PIGG: variants seen among roughly 807,000 people sequenced by gnomAD.
PIGG encodes phosphatidylinositol glycan anchor biosynthesis class G (EMM blood group), also known as GPI ethanolamine phosphate transferase 2, catalytic subunit.
Under a neutral mutation model 83.2 loss-of-function variants are expected in PIGG, and 70 were observed. That is an observed-to-expected ratio of 0.84 (90% CI 0.69 to 1.03). The LOEUF is 1.03. Among genes scored for constraint, PIGG ranks in the 50% least tolerant of loss-of-function variants. The probability of loss-of-function intolerance (pLI) is 0.00; values close to 1 mark genes in which losing one functional copy is unlikely to be tolerated. For missense variants in PIGG, 1,257 were observed against 1,233.6 expected, an observed-to-expected ratio of 1.02 and a Z score of -0.28; for synonymous variants, 532 against 519.5, an observed-to-expected ratio of 1.02 and a Z score of -0.33.
intron 5 of PIGG, among the ~76,000 whole-genome samples, chr4:513,996 A>G (rs1723055004): frequency 6.6e-6 from 1 of 152,212 alleles, no homozygotes. Context: ...TTTTGGAAAA[A>G]GGTAATGCAG....
chr4:525,174 C>T (rs755602280), intron 9 of PIGG: 175 of 984,740 alleles, frequency 1.8e-4, no homozygotes, highest in Non-Finnish European at 2.0e-4. Flanking sequence ...CCTGAAGGGA[C>T]AGAGCCGTGT....
In PIGG at chr4:521,733, C is replaced by A. The variant is rs772714746; in HGVS notation, c.1406C>A (p.Ser469Tyr). 1 of 1,614,152 alleles carries A rather than the reference C, an allele frequency of 6.2e-7. No individual in the cohort carries two copies. The highest frequency in any genetic ancestry group is 1.1e-5 in the South Asian group (1 of 91,080). Reference protein sequence around the residue: ...RKAELEVPLSSPGFSLLFYLV... With the variant: ...RKAELEVPLSYPGFSLLFYLV... The stretch of plus-strand genomic sequence containing the variant: ...GCTGAGCTGGAAGTCCCACTGTCAT[C>A]TCCTGGGTTTTCTCTGCTCTTTTAT... Residue 469 changes from serine (S) to tyrosine (Y), a missense_variant, in exon 8 of 13, where the codon TCT becomes TAT. Ser to Tyr is a moderately radical substitution (Grantham distance 144, BLOSUM62 -2). Transcript: ENST00000453061.
chr4:508,776 A>G (rs1473750025), intron 4 of PIGG, 53 bp from the exon 5 acceptor site: 5 of 1,550,358 alleles, frequency 3.2e-6, no homozygotes, highest in Non-Finnish European at 4.4e-6. Flanking sequence ...TCTTAAGATG[A>G]TGTGCTCTCT....
Position 500,434 on chromosome 4 carries a change from T to C in PIGG, c.193T>C (p.Phe65Leu). ...CTGGACCACGCTGCCACCACCTCTC[T>C]TCAGTAAAGTTGTTATTGTTCTGAT... ...SNWTTLPPPLFSKVVIVLIDA... is the reference protein window; with the variant it reads ...SNWTTLPPPLLSKVVIVLIDA... Residue 65 changes from phenylalanine to leucine, a missense_variant, in exon 2 of 13, where the codon TTC becomes CTC. Coordinates refer to ENST00000453061, the MANE Select transcript of PIGG (RefSeq NM_001127178.3). 6.2e-7 allele frequency: 1 copy of C among 1,614,090 alleles called. No homozygotes were observed. The highest frequency in any genetic ancestry group is 1.3e-5 in the African/African-American group (1 of 75,038).
At chr4:508,736 A>G (rs1553881343) in intron 4 of PIGG, 93 bp from the exon 5 acceptor site, 8 of 1,137,556 alleles carry the variant, frequency 7.0e-6, no homozygotes, top group Non-Finnish European at 3.9e-6. Context: ...CTACAACTCT[A>G]TAAAGTAAAG....
Position 528,750 on chromosome 4 carries a change from T to C in PIGG, c.2261+1520T>C. On this transcript the variant is annotated intron_variant, in intron 10 of 12. Coordinates refer to ENST00000453061, the MANE Select transcript of PIGG (RefSeq NM_001127178.3). The surrounding 1 kb of genome is among the most constrained non-coding windows in gnomAD (Gnocchi z 4.8). Reference sequence around the variant, plus strand: ...ATACACTGAATTTCAGCATCACTCATCTCAAGACCTTGGCCCTCTTCCCTT... The same window carrying C: ...ATACACTGAATTTCAGCATCACTCACCTCAAGACCTTGGCCCTCTTCCCTT... The C allele has an allele frequency of 1.0e-6, 1 of 984,458 alleles. No individual in the cohort carries two copies. The highest frequency in any genetic ancestry group is 1.2e-6 in the Non-Finnish European group (1 of 829,088). 61.0% of individuals were successfully genotyped at this position (984,458 alleles called of 1,614,324 possible). A position where few individuals can be genotyped will look rare whatever the true frequency, so the allele number is the denominator to read the frequency against.
At chr4:523,197 G>A (rs1292076064) in intron 8 of PIGG, among the ~76,000 whole-genome samples, 1 of 152,208 alleles carries the variant, frequency 6.6e-6, no homozygotes, top group African/African-American at 2.4e-5. Flanking sequence ...AGTCCAGTGT[G>A]AGAACAGCTG....
chr4:507,422 G>T lies in PIGG; in HGVS notation c.588G>T (p.Thr196=), dbSNP rs149455987. ...SDYTEVDNNV[T]RHLDKVLKRG... is the part of the protein sequence containing the mutation. ...CTTCAAAGGTGGATAATAATGTCACGAGGCATTTGGATAAAGTATTAAAAA... is the reference window on the plus strand; with the variant it reads ...CTTCAAAGGTGGATAATAATGTCACTAGGCATTTGGATAAAGTATTAAAAA... Residue 196 remains threonine, a synonymous_variant, in exon 4 of 13, where the codon ACG becomes ACT. Transcript: ENST00000453061. 6.2e-7 allele frequency: 1 copy of T among 1,611,550 alleles called. No homozygotes were observed. The highest frequency in any genetic ancestry group is 8.5e-7 in the Non-Finnish European group (1 of 1,178,276).
chr4:510,986 T>C (rs553346276), intron 5 of PIGG, among the ~76,000 whole-genome samples: 1 of 152,212 alleles, frequency 6.6e-6, no homozygotes, highest in South Asian at 2.1e-4. Flanking sequence ...TTCATAGTTA[T>C]AGCATGTATC....
chr4:503,548 C>G (rs551778315), intron 2 of PIGG, among the ~76,000 whole-genome samples: 98 of 152,256 alleles, frequency 6.4e-4, no homozygotes, highest in African/African-American at 2.2e-3. Context: ...GTGTTTTACT[C>G]TGGAAAGTCC....
intron 5 of PIGG, among the ~76,000 whole-genome samples, chr4:513,029 G>GC (rs1350457116): frequency 3.3e-5 from 5 of 152,150 alleles, no homozygotes; most frequent in Admixed American, 3.3e-4. Flanking sequence ...GAGAGTTTCT[G>GC]CCCCACTGGG....
In PIGG at chr4:501,352, G is replaced by A. The variant is rs1352065185; in HGVS notation, c.360+751G>A. Among the ~76,000 whole-genome samples, 12 of 152,360 alleles carry A rather than the reference G, an allele frequency of 7.9e-5. No homozygotes were observed. The East Asian group carries it at 2.3e-3, about 29-fold the overall frequency. ...CAGTTGTAAAGTGTGGTTAATGCAT[G>A]ATGAGAAAGAACAGGATGTGATGAT... On this transcript the variant is annotated intron_variant, in intron 2 of 12. Transcript: ENST00000453061.
chr4:523,332 G>A (rs1577103280), intron 8 of PIGG, 127 bp from the exon 9 acceptor site: 12 of 735,998 alleles, frequency 1.6e-5, no homozygotes, highest in Non-Finnish European at 2.6e-5. Context: ...TAGGGGCCCA[G>A]GTGCTGGGTG....
At chr4:527,379 G>T in intron 10 of PIGG, 149 bp downstream of exon 10, 1 of 1,390,704 alleles carries the variant, frequency 7.2e-7, no homozygotes, top group East Asian at 2.8e-5. Context: ...TTTGTGAATT[G>T]TGATTGTGTC....
At position 523,611 on chromosome 4, in the gene PIGG, G is replaced by C. The variant is rs374479393; in HGVS notation, c.1767G>C (p.Leu589=). The C allele has an allele frequency of 4.8e-5, 78 of 1,614,064 alleles. No homozygotes were observed. Among genetic ancestry groups the C allele is most frequent in the Non-Finnish European group, 6.4e-5 (76 of 1,180,044 alleles). The change falls in exon 9 of 13, where the codon CTG becomes CTC. Residue 589 remains leucine (L), a synonymous_variant. Coordinates refer to ENST00000453061, the MANE Select transcript of PIGG (RefSeq NM_001127178.3). ...TTGTGAACACCCTGTGTCTAGCTCT[G>C]AGCCAAGAAACCTACAGAAACTACT... ...YFLVNTLCLA[L]SQETYRNYFL...
chr4:500,476 G>C lies in PIGG; in HGVS notation c.235G>C (p.Asp79His). The change falls in exon 2 of 13, where the codon GAT (aspartate) becomes CAT (histidine). Residue 79 changes from aspartate to histidine, a missense_variant. Coordinates refer to ENST00000453061, the MANE Select transcript of PIGG (RefSeq NM_001127178.3). ...VIVLIDALRDDFVFGSKGVKF... is the reference protein window; with the variant it reads ...VIVLIDALRDHFVFGSKGVKF... ...TGTTCTGATAGATGCCTTGAGAGAT[G>C]ATTTTGTGTTTGGGTCAAAGGGTGT... is the stretch of plus-strand genomic sequence containing the variant. The C allele has an allele frequency of 6.2e-7, 1 of 1,613,626 alleles. No individual in the cohort carries two copies. The highest frequency in any genetic ancestry group is 1.3e-5 in the African/African-American group (1 of 75,020).
intron 1 of PIGG, 63 bp downstream of exon 1, chr4:499,552 C>T: frequency 2.0e-6 from 3 of 1,483,472 alleles, no homozygotes; most frequent in East Asian, 2.5e-5. Flanking sequence ...GACCTTTTTT[C>T]TGAGCCTCGC....
rs761463314 is a variant in PIGG at position 523,719 on chromosome 4, G to T, written c.1875G>T (p.Gly625=). ...GGGCCACAGCAGCGTGGCAGGACGG[G>T]CCTGGCTGTGATGTCCTGGAGCGAG... The part of the protein sequence containing the change: ...HDGATAAWQD[G]PGCDVLERDK... Residue 625 remains glycine (G), a synonymous_variant, in exon 9 of 13, where the codon GGG becomes GGT. Transcript: ENST00000453061. 4.4e-5 allele frequency: 71 copies of T among 1,614,074 alleles called. No homozygotes were observed. In the Middle Eastern group the frequency reaches 8.2e-4, roughly 19 times the overall value.
In PIGG at chr4:499,233, TG is replaced by T. The variant is rs1716572857; in HGVS notation, c.-101del. Reference sequence around the variant, plus strand: ...CCACTGTCGCTGCGACGATAAGGCCTGGCGTTATTGCTTAGAGGCGGCTACC... The same window carrying T: ...CCACTGTCGCTGCGACGATAAGGCCTGCGTTATTGCTTAGAGGCGGCTACC... On this transcript the variant is annotated 5_prime_UTR_variant, in exon 1 of 13. Coordinates refer to ENST00000453061, the MANE Select transcript of PIGG (RefSeq NM_001127178.3). The T allele has an allele frequency of 7.8e-7, 1 of 1,278,666 alleles. No individual in the cohort carries two copies. The highest frequency in any genetic ancestry group is 2.2e-5 in the Admixed American group (1 of 45,518). 79.2% of individuals were successfully genotyped at this position (1,278,666 alleles called of 1,614,324 possible).
Sources: gnomAD v4.1 joint callset for allele counts (sites outside exome capture counted in the v4.1 genomes callset) on GRCh38, gnomAD v4.1.1 for gene constraint, Gnocchi (gnomAD v3.1) non-coding constraint, MANE v1.5 for transcripts, NCBI Gene and HGNC (gene_info 2026-07-23, HGNC 2026-07-21) for gene names.